RGMA: variants seen among roughly 807,000 people sequenced by gnomAD.
RGMA encodes the protein repulsive guidance molecule A.
RGMA carries 10 observed loss-of-function variants against 23.2 expected under a neutral mutation model. The observed-to-expected ratio is 0.43, with a 90% CI of 0.27 to 0.73. RGMA has a LOEUF of 0.73. Among genes scored for constraint, RGMA ranks in the 30% least tolerant of loss-of-function variants. The pLI, the probability that RGMA is intolerant of heterozygous loss-of-function variation, is 0.20. For missense variants in RGMA, 547 were observed against 630.5 expected, an observed-to-expected ratio of 0.87 and a Z score of 1.42; for synonymous variants, 308 against 279.3, an observed-to-expected ratio of 1.10 and a Z score of -1.03.
chr15:93,049,937 G>A (rs1469895241), intron 3 of RGMA, among the ~76,000 whole-genome samples: 3 of 152,218 alleles, frequency 2.0e-5, no homozygotes, highest in African/African-American at 4.8e-5. Context: ...TCATCATCTT[G>A]GAGATGAAAG....
intron 3 of RGMA, among the ~76,000 whole-genome samples, chr15:93,048,186 T>C (rs187127619): frequency 1.2e-4 from 19 of 152,266 alleles, no homozygotes; most frequent in African/African-American, 3.9e-4. Context: ...TGTGGCTTTG[T>C]GGGTTCCCCA....
rs2054775312 is a variant in RGMA at position 93,044,275 on chromosome 15, A to G, written c.*723T>C. On this transcript the variant is annotated 3_prime_UTR_variant, in exon 4 of 4. Coordinates refer to ENST00000329082, the MANE Select transcript of RGMA (RefSeq NM_020211.3). Reference sequence around the variant, plus strand: ...TTAGAACCAAGCACTTCGACTTTCTAAGCACAGGGTGGAAGGGGCAGGGGC... The same window carrying G: ...TTAGAACCAAGCACTTCGACTTTCTGAGCACAGGGTGGAAGGGGCAGGGGC... 1 of 152,442 alleles carries G rather than the reference A, an allele frequency of 6.6e-6. No individual in the cohort carries two copies. Among genetic ancestry groups the G allele is most frequent in the South Asian group, 2.1e-4 (1 of 4,830 alleles). The allele number at this position is 152,442 out of a possible 1,614,324, so 9.4% of individuals were successfully genotyped here.
Position 93,043,212 on chromosome 15 carries a change from ACACAGG to A in RGMA, c.*1780_*1785del, listed in dbSNP as rs2054748297. On this transcript the variant is annotated 3_prime_UTR_variant, in exon 4 of 4. Transcript: ENST00000329082. ...TGCACACACATAGGCATGGGCGCACACACAGGCATGCGCACACATGCGTACATGCAC... is the reference window on the plus strand; with the variant it reads ...TGCACACACATAGGCATGGGCGCACACATGCGCACACATGCGTACATGCAC... 4 of 125,778 alleles carry A rather than the reference ACACAGG, an allele frequency of 3.2e-5. No homozygotes were observed. Among genetic ancestry groups the A allele is most frequent in the African/African-American group, 1.2e-4 (4 of 33,306 alleles). 7.8% of individuals were successfully genotyped at this position (125,778 alleles called of 1,614,324 possible). A position where few individuals can be genotyped will look rare whatever the true frequency, so the allele number is the denominator to read the frequency against.
intron 1 of RGMA, among the ~76,000 whole-genome samples, chr15:93,076,481 A>G (rs1446452197): frequency 6.6e-6 from 1 of 152,156 alleles, no homozygotes; most frequent in East Asian, 1.9e-4. Context: ...TGCAGGCTAG[A>G]CCTTGGGGGA....
intron 2 of RGMA, among the ~76,000 whole-genome samples, chr15:93,060,621 G>T (rs952576931): frequency 3.0e-4 from 45 of 152,228 alleles, no homozygotes; most frequent in African/African-American, 1.1e-3. Flanking sequence ...GAGCAATCCA[G>T]GCCAGAGCTC....
In RGMA at chr15:93,044,248, A is replaced by G. The variant is rs1271030310; in HGVS notation, c.*750T>C. On this transcript the variant is annotated 3_prime_UTR_variant, in exon 4 of 4. Transcript: ENST00000329082. ...TCAAGGATCTCTTCTCTGTTTAGAC[A>G]TTTAGAACCAAGCACTTCGACTTTC... 2.0e-5 allele frequency: 3 copies of G among 152,356 alleles called. No individual in the cohort carries two copies. The highest frequency in any genetic ancestry group is 7.2e-5 in the African/African-American group (3 of 41,474). The allele number at this position is 152,356 out of a possible 1,614,324, so 9.4% of individuals were successfully genotyped here.
rs1028649889 is a variant in RGMA, at chr15:93,035,779, A to G, written c.*9219T>C. ...GCCGAGCCTGTCACCACCTCATGCA[A>G]TGGCTTTCCCTGCGGTCTCCCAAGG... On this transcript the variant is annotated 3_prime_UTR_variant, in exon 4 of 4. Transcript: ENST00000329082. 4 of 152,206 alleles carry G rather than the reference A, an allele frequency of 2.6e-5. No homozygotes were observed. The highest frequency in any genetic ancestry group is 9.7e-5 in the African/African-American group (4 of 41,426). 9.4% of individuals were successfully genotyped at this position (152,206 alleles called of 1,614,324 possible).
intron 1 of RGMA, chr15:93,073,545 A>C: frequency 6.7e-7 from 1 of 1,502,048 alleles, no homozygotes; most frequent in Non-Finnish European, 8.9e-7. Context: ...CTGTCCTTGG[A>C]GGCAAATCCC....
chr15:93,081,051 A>G (rs1895551511), intron 1 of RGMA, among the ~76,000 whole-genome samples: 1 of 152,204 alleles, frequency 6.6e-6, no homozygotes, highest in Non-Finnish European at 1.5e-5. Context: ...TTGAGATGGA[A>G]AGCTTCAAGA....
intron 2 of RGMA, among the ~76,000 whole-genome samples, chr15:93,072,263 A>G (rs370787058): frequency 5.4e-4 from 82 of 152,342 alleles, no homozygotes; most frequent in African/African-American, 1.9e-3. Flanking sequence ...GTGAAAAACT[A>G]TGGGGGATTC....
chr15:93,080,628 G>C (rs1895544103), intron 1 of RGMA, among the ~76,000 whole-genome samples: 1 of 152,180 alleles, frequency 6.6e-6, no homozygotes, highest in Admixed American at 6.5e-5. Context: ...GACTCCCTCT[G>C]TGCTCCCTTT....
At chr15:93,047,491 T>A (rs2054842733) in intron 3 of RGMA, among the ~76,000 whole-genome samples, 1 of 152,070 alleles carries the variant, frequency 6.6e-6, no homozygotes. Context: ...CCCACCTTTA[T>A]CTGCTGCACT....
chr15:93,073,135 C>G (rs1368612790), intron 1 of RGMA, 104 bp from the exon 2 acceptor site: 1 of 1,278,246 alleles, frequency 7.8e-7, no homozygotes, highest in Non-Finnish European at 9.9e-7. Flanking sequence ...CTCCGTCCAC[C>G]TCGGCCGCGG....
intron 2 of RGMA, among the ~76,000 whole-genome samples, chr15:93,064,796 G>A (rs1438350027): frequency 6.6e-6 from 1 of 152,192 alleles, no homozygotes; most frequent in Non-Finnish European, 1.5e-5. Flanking sequence ...CTGTGGCTGG[G>A]TGGCATCGTC....
intron 3 of RGMA, among the ~76,000 whole-genome samples, chr15:93,046,430 C>A (rs1319593684): frequency 1.3e-5 from 2 of 152,186 alleles, no homozygotes; most frequent in African/African-American, 4.8e-5. Context: ...TTCCCAACTT[C>A]CGGCCTCCAC....
In RGMA at chr15:93,042,757, T is replaced by C. The variant is rs1371428263; in HGVS notation, c.*2241A>G. 1 of 152,232 alleles carries C rather than the reference T, an allele frequency of 6.6e-6. No homozygotes were observed. The highest frequency in any genetic ancestry group is 1.5e-5 in the Non-Finnish European group (1 of 68,066). 9.4% of individuals were successfully genotyped at this position (152,232 alleles called of 1,614,324 possible). A position where few individuals can be genotyped will look rare whatever the true frequency, so the allele number is the denominator to read the frequency against. On this transcript the variant is annotated 3_prime_UTR_variant, in exon 4 of 4. Transcript: ENST00000329082. Reference sequence around the variant, plus strand: ...CACTGGGTAGTTTGTACAGATGAAATGTGATCACAGCTGCCAATAAACCTG... The same window carrying C: ...CACTGGGTAGTTTGTACAGATGAAACGTGATCACAGCTGCCAATAAACCTG...
At chr15:93,083,970 C>T (rs746968499) in intron 1 of RGMA, among the ~76,000 whole-genome samples, 11 of 152,180 alleles carry the variant, frequency 7.2e-5, no homozygotes, top group Non-Finnish European at 1.5e-4. Flanking sequence ...TTATACTTTA[C>T]CTCTTTCCAT....
chr15:93,073,413 C>T (rs980385292), intron 1 of RGMA, among the ~76,000 whole-genome samples: 1 of 152,192 alleles, frequency 6.6e-6, no homozygotes, highest in Non-Finnish European at 1.5e-5. Flanking sequence ...ACCCTCGCGC[C>T]ATCTCCAGCC....
In RGMA at chr15:93,045,732, T is replaced by A; in HGVS notation, c.646-27A>T. The A allele has an allele frequency of 6.5e-7, 1 of 1,547,072 alleles. No homozygotes were observed. The highest frequency in any genetic ancestry group is 8.8e-7 in the Non-Finnish European group (1 of 1,133,208). On this transcript the variant is annotated intron_variant, in intron 3 of 3. Coordinates refer to ENST00000329082, the MANE Select transcript of RGMA (RefSeq NM_020211.3). This position sits in a 1 kb window ranked among gnomAD's most constrained non-coding sequence, Gnocchi z 6.9. ...TGCCGGGGAAAGGGGCAGAGGAGAG[T>A]GGGTGAGGCACAGTGGGAGGAGGCA...
Sources: allele counts gnomAD v4.1 joint callset (sites outside exome capture counted in the v4.1 genomes callset), GRCh38; gene constraint gnomAD v4.1.1; non-coding constraint Gnocchi (gnomAD v3.1); transcripts MANE v1.5; gene names NCBI Gene and HGNC (gene_info 2026-07-23, HGNC 2026-07-21).